Variants in KCTD9 observed in about 807,000 individuals in gnomAD.
KCTD9 encodes the protein BTB/POZ domain-containing protein KCTD9.
In KCTD9, 17 loss-of-function variants were observed where a neutral mutation model predicts 53.3. The ratio of observed to expected loss-of-function variants is 0.32; its 90% CI spans 0.22 to 0.48. The LOEUF (loss-of-function observed/expected upper bound fraction) is 0.48. Among genes scored for constraint, KCTD9 ranks in the 20% least tolerant of loss-of-function variants. The pLI, the probability that KCTD9 is intolerant of heterozygous loss-of-function variation, is 0.99. For missense variants in KCTD9, 179 were observed against 465.5 expected (o/e 0.38, Z 5.66); for synonymous variants, 128 against 162.7 (o/e 0.79, Z 1.62).
chr8:25,438,625 A>G (rs1459917944), intron 6 of KCTD9, among the ~76,000 whole-genome samples: 2 of 152,268 alleles, frequency 1.3e-5, no homozygotes, highest in African/African-American at 4.8e-5. Context: ...AAGTACTAAC[A>G]TCACATCAAC....
intron 1 of KCTD9, among the ~76,000 whole-genome samples, chr8:25,456,949 G>A (rs1032868257): frequency 3.3e-5 from 5 of 152,180 alleles, no homozygotes; most frequent in African/African-American, 1.2e-4. Flanking sequence ...TTAGATAACA[G>A]GTAGTAGCTA....
At chr8:25,437,783 G>A (rs1286043049) in intron 6 of KCTD9, among the ~76,000 whole-genome samples, 2 of 139,988 alleles carry the variant, frequency 1.4e-5, no homozygotes, top group African/African-American at 5.3e-5. Context: ...AGGAGGCATA[G>A]GTTGCAGTGA....
At chr8:25,452,660 C>A (rs1033915967) in intron 1 of KCTD9, among the ~76,000 whole-genome samples, 2 of 152,212 alleles carry the variant, frequency 1.3e-5, no homozygotes, top group African/African-American at 4.8e-5. Flanking sequence ...TAGAAAAATG[C>A]TTGCTGCTGT....
At chr8:25,458,178 G>T in intron 1 of KCTD9, 21 bp downstream of exon 1, 3 of 966,596 alleles carry the variant, frequency 3.1e-6, no homozygotes, top group South Asian at 1.9e-5. Context: ...GGCCCGCCGC[G>T]CCCCCTCACG....
intron 6 of KCTD9, among the ~76,000 whole-genome samples, chr8:25,436,827 G>T (rs1802026164): frequency 6.6e-6 from 1 of 152,080 alleles, no homozygotes; most frequent in Admixed American, 6.5e-5. Context: ...ACATGACTTG[G>T]TATATTTACT....
rs557246881 is a variant in KCTD9, at chr8:25,456,929, A to G, written c.48+1270T>C. Among the ~76,000 whole-genome samples, 4 of 152,366 alleles carry G rather than the reference A, an allele frequency of 2.6e-5. No individual in the cohort carries two copies. The East Asian group carries it at 7.7e-4, about 29-fold the overall frequency. On this transcript the variant is annotated intron_variant, in intron 1 of 11. Transcript: ENST00000221200. Reference sequence around the variant, plus strand: ...CATACTAAATCTTTCTTAGAGTAACAACATACGTTTTAGATAACAGGTAGT... The same window carrying G: ...CATACTAAATCTTTCTTAGAGTAACGACATACGTTTTAGATAACAGGTAGT...
chr8:25,438,786 A>C (rs1212672867), intron 6 of KCTD9, among the ~76,000 whole-genome samples: 1 of 152,232 alleles, frequency 6.6e-6, no homozygotes, highest in Admixed American at 6.5e-5. Flanking sequence ...AATATGACTC[A>C]GAGAAATTTC....
At chr8:25,449,083 GGTTGT>G (rs1298465263) in intron 1 of KCTD9, among the ~76,000 whole-genome samples, 1 of 152,176 alleles carries the variant, frequency 6.6e-6, no homozygotes, top group Non-Finnish European at 1.5e-5. Flanking sequence ...GCAAAGCTGG[GGTTGT>G]GTTAAGGCAA....
intron 11 of KCTD9, 132 bp from the exon 12 acceptor site, chr8:25,430,105 A>C: frequency 1.5e-6 from 1 of 654,298 alleles, no homozygotes; most frequent in Non-Finnish European, 2.8e-6. Context: ...TTTCCGGAAA[A>C]CTGATGATAC....
intron 3 of KCTD9, 42 bp downstream of exon 3, chr8:25,444,243 CTTTTTTT>C: frequency 4.2e-6 from 4 of 963,500 alleles, no homozygotes; most frequent in Non-Finnish European, 6.0e-6. Context: ...GTCATTCCAT[CTTTTTTT>C]TTTTTTTTTG....
rs1202055847 is a variant in KCTD9, at chr8:25,439,528, C to G, written c.370+78G>C. The stretch of plus-strand genomic sequence containing the variant: ...TAAAAACTGACATAATTAGTAAGTA[C>G]AGAAGGTCAGGAGTTATAAAGTCAG... On this transcript the variant is annotated intron_variant, in intron 5 of 11. Transcript: ENST00000221200. 1.9e-6 allele frequency: 3 copies of G among 1,580,150 alleles called. No individual in the cohort carries two copies. The African/African-American group carries it at 4.1e-5, about 21-fold the overall frequency.
intron 11 of KCTD9, among the ~76,000 whole-genome samples, chr8:25,430,808 TACACACACACACACAC>T (rs139075991): frequency 8.9e-5 from 13 of 145,578 alleles, no homozygotes; most frequent in East Asian, 4.1e-4. Flanking sequence ...ACATAATAAA[TACACACACACACACAC>T]ACACACACAC....
chr8:25,431,841 T>C (rs1208863862), intron 11 of KCTD9, among the ~76,000 whole-genome samples: 2 of 152,120 alleles, frequency 1.3e-5, no homozygotes, highest in Non-Finnish European at 1.5e-5. Flanking sequence ...TTATACCAGA[T>C]TTCATAGCTA....
intron 8 of KCTD9, 26 bp from the exon 9 acceptor site, chr8:25,435,538 A>C: frequency 3.2e-6 from 5 of 1,573,308 alleles, no homozygotes; most frequent in Non-Finnish European, 4.3e-6. Context: ...ACAAATTGTC[A>C]CCATAACTAA....
chr8:25,456,935 C>T (rs1802449585), intron 1 of KCTD9, among the ~76,000 whole-genome samples: 1 of 152,080 alleles, frequency 6.6e-6, no homozygotes, highest in Non-Finnish European at 1.5e-5. Context: ...TAACAACATA[C>T]GTTTTAGATA....
chr8:25,447,628 TACTCAGATTCTA>T (rs1802239116), intron 1 of KCTD9, among the ~76,000 whole-genome samples: 1 of 152,158 alleles, frequency 6.6e-6, no homozygotes, highest in Admixed American at 6.5e-5. Context: ...AAAAGCAGAG[TACTCAGATTCTA>T]ACTTTTTTCT....
At chr8:25,452,674 C>T (rs1293342047) in intron 1 of KCTD9, among the ~76,000 whole-genome samples, 1 of 152,096 alleles carries the variant, frequency 6.6e-6, no homozygotes, top group African/African-American at 2.4e-5. Flanking sequence ...CTGCTGTGTG[C>T]CAGGATACAT....
rs373321741 is a variant in KCTD9 at position 25,429,577 on chromosome 8, G to C, written c.*280C>G. On this transcript the variant is annotated 3_prime_UTR_variant, in exon 12 of 12. Transcript: ENST00000221200. ...GCAAATATAATAGATACTATGCCTG[G>C]TCATAAAACCAGGTAAACCCCCCTA... 1 of 257,878 alleles carries C rather than the reference G, an allele frequency of 3.9e-6. No individual in the cohort carries two copies. The highest frequency in any genetic ancestry group is 7.6e-6 in the Non-Finnish European group (1 of 131,316). 16.0% of individuals were successfully genotyped at this position (257,878 alleles called of 1,614,324 possible).
intron 1 of KCTD9, among the ~76,000 whole-genome samples, chr8:25,453,374 G>A (rs1802369145): frequency 6.6e-6 from 1 of 151,690 alleles, no homozygotes; most frequent in Admixed American, 6.6e-5. Flanking sequence ...AAAAGGTGAG[G>A]GCCGGGCACG....
Sources: gnomAD v4.1 joint callset for allele counts (sites outside exome capture counted in the v4.1 genomes callset) on GRCh38, gnomAD v4.1.1 for gene constraint, MANE v1.5 for transcripts, NCBI Gene and HGNC (gene_info 2026-07-23, HGNC 2026-07-21) for gene names.